SEM1: variants seen among roughly 807,000 people sequenced by gnomAD.
The protein encoded by SEM1 is SEM1 26S proteasome subunit.
SEM1 carries 3 observed loss-of-function variants against 12.7 expected under a neutral mutation model. The ratio of observed to expected loss-of-function variants is 0.24; its 90% CI spans 0.11 to 0.61. The LOEUF (loss-of-function observed/expected upper bound fraction) is 0.61. SEM1 is among the 20% of genes least tolerant of loss of function. The pLI is 0.88. For missense variants in SEM1, 59 were observed against 81.3 expected (o/e 0.73, Z 1.06); for synonymous variants, 30 against 27.8 (o/e 1.08, Z -0.25).
intron 1 of SEM1, among the ~76,000 whole-genome samples, chr7:96,490,666 G>A (rs1435184431): frequency 6.6e-6 from 1 of 152,098 alleles, no homozygotes; most frequent in African/African-American, 2.4e-5. Flanking sequence ...TGGGGTCAGG[G>A]TGGGGGTGGA....
intron 2 of SEM1, among the ~76,000 whole-genome samples, chr7:96,629,004 C>T (rs1243046711): frequency 6.6e-6 from 1 of 152,184 alleles, no homozygotes; most frequent in East Asian, 1.9e-4. Context: ...GAAAAGTCTG[C>T]TGCCAGACAT....
chr7:96,535,964 G>A lies in SEM1; in HGVS notation c.171-29266C>T, dbSNP rs1804774182. Among the ~76,000 whole-genome samples, 4 of 151,796 alleles carry A rather than the reference G, an allele frequency of 2.6e-5. No individual in the cohort carries two copies. The South Asian group carries it at 8.3e-4, about 31-fold the overall frequency. On this transcript the variant is annotated intron_variant and NMD_transcript_variant, in intron 2 of 3. Coordinates refer to the SEM1 transcript ENST00000466986. The stretch of plus-strand genomic sequence containing the variant: ...ATGGTAGAATAATTTATATTCATTT[G>A]GGTACATATCCGGGAGTGGGATTTC...
chr7:96,691,935 C>G (rs1281581589), intron 2 of SEM1, among the ~76,000 whole-genome samples: 2 of 152,036 alleles, frequency 1.3e-5, no homozygotes, highest in African/African-American at 2.4e-5. Flanking sequence ...ACTCATGACT[C>G]AAATGGGGAA....
rs117900871 is a variant in SEM1 at position 96,595,751 on chromosome 7, A to G, written c.171-89053T>C. Among the ~76,000 whole-genome samples the G allele has an allele frequency of 1.4e-3, 220 of 152,080 alleles. 6 individuals are homozygous for G. The East Asian group carries it at 0.035, about 24-fold the overall frequency. ...TATTCATTTCTGTGCTTAATTTTAT[A>G]TTCATAAGTGTTCTATTCTGTTTGT... On this transcript the variant is annotated intron_variant and NMD_transcript_variant, in intron 2 of 3. Transcript: ENST00000466986.
At chr7:96,660,614 A>C (rs540740562) in intron 2 of SEM1, among the ~76,000 whole-genome samples, 6 of 152,142 alleles carry the variant, frequency 3.9e-5, no homozygotes, top group Non-Finnish European at 8.8e-5. Flanking sequence ...AATTGTCTAG[A>C]GATTTCTATC....
chr7:96,519,290 G>A (rs1183134012), intron 2 of SEM1, among the ~76,000 whole-genome samples: 1 of 152,066 alleles, frequency 6.6e-6, no homozygotes, highest in Non-Finnish European at 1.5e-5. Flanking sequence ...CTTTCTATCT[G>A]CCAGGCGTTG....
chr7:96,528,429 C>G (rs999552264), intron 2 of SEM1, among the ~76,000 whole-genome samples: 1 of 152,082 alleles, frequency 6.6e-6, no homozygotes, highest in Admixed American at 6.6e-5. Flanking sequence ...TGGACTCAAG[C>G]AATCTGCCCG....
At chr7:96,506,804 G>A (rs991384855) in intron 2 of SEM1, 46 of 152,174 alleles carry the variant, frequency 3.0e-4, no homozygotes, top group African/African-American at 8.9e-4. Context: ...GAACAATGTT[G>A]AGTACAAAGG....
chr7:96,638,729 C>G (rs1055209859), intron 2 of SEM1, among the ~76,000 whole-genome samples: 1 of 151,802 alleles, frequency 6.6e-6, no homozygotes, highest in Non-Finnish European at 1.5e-5. Flanking sequence ...TAAGCACTTT[C>G]TTTTTAATTC....
intron 2 of SEM1, among the ~76,000 whole-genome samples, chr7:96,627,817 C>G (rs1808121022): frequency 6.6e-6 from 1 of 152,008 alleles, no homozygotes; most frequent in Admixed American, 6.6e-5. Context: ...TCCAATGTTT[C>G]TTTGTCGATT....
downstream of SEM1, among the ~76,000 whole-genome samples, chr7:96,686,470 T>C (rs1324084995): frequency 6.6e-6 from 1 of 152,196 alleles, no homozygotes; most frequent in African/African-American, 2.4e-5. Flanking sequence ...CATCACTTAA[T>C]ACTGTCAGTA....
At chr7:96,689,021 T>C (rs1789845733) in intron 2 of SEM1, 55 bp from the exon 3 acceptor site, 4 of 1,067,088 alleles carry the variant, frequency 3.7e-6, no homozygotes, top group East Asian at 4.8e-5. Context: ...AACATTCTTT[T>C]AGAAACAATA....
chr7:96,551,835 G>A (rs1805287460), intron 2 of SEM1, among the ~76,000 whole-genome samples: 1 of 152,140 alleles, frequency 6.6e-6, no homozygotes, highest in Non-Finnish European at 1.5e-5. Flanking sequence ...CAGAAACTAG[G>A]AAAGAAGCAT....
At chr7:96,598,520 G>T (rs1207326813) in intron 2 of SEM1, among the ~76,000 whole-genome samples, 1 of 151,862 alleles carries the variant, frequency 6.6e-6, no homozygotes, top group Non-Finnish European at 1.5e-5. Flanking sequence ...ATTTAATTAA[G>T]GTAATCCTTC....
intron 2 of SEM1, among the ~76,000 whole-genome samples, chr7:96,579,197 A>G (rs2116040289): frequency 6.6e-6 from 1 of 152,352 alleles, no homozygotes; most frequent in Admixed American, 6.5e-5. Flanking sequence ...TGATGCCATC[A>G]TGAAATCATT....
At chr7:96,598,139 A>G (rs1328351022) in intron 2 of SEM1, among the ~76,000 whole-genome samples, 2 of 152,212 alleles carry the variant, frequency 1.3e-5, no homozygotes, top group African/African-American at 4.8e-5. Flanking sequence ...ATGCTGAGCC[A>G]AACTATAAAT....
intron 2 of SEM1, among the ~76,000 whole-genome samples, chr7:96,511,956 C>G (rs778018004): frequency 6.6e-6 from 1 of 152,044 alleles, no homozygotes; most frequent in Non-Finnish European, 1.5e-5. Context: ...ACTCAGTAGT[C>G]TGGGGTGGAG....
chr7:96,484,179 G>A (rs1031464564), intron 3 of SEM1, among the ~76,000 whole-genome samples: 3 of 152,116 alleles, frequency 2.0e-5, no homozygotes, highest in Non-Finnish European at 4.4e-5. Context: ...GGCAATGTGG[G>A]ATGCAATCGC....
At chr7:96,633,571 TTATAA>T (rs1808337538) in intron 2 of SEM1, among the ~76,000 whole-genome samples, 1 of 152,154 alleles carries the variant, frequency 6.6e-6, no homozygotes, top group Non-Finnish European at 1.5e-5. Flanking sequence ...TGAGGATGTA[TTATAA>T]TATAAAGCAT....
Sources: gnomAD v4.1 joint callset for allele counts (sites outside exome capture counted in the v4.1 genomes callset) on GRCh38, gnomAD v4.1.1 for gene constraint, MANE v1.5 for transcripts, NCBI Gene and HGNC (gene_info 2026-07-23, HGNC 2026-07-21) for gene names.